Variants in CFAP221 observed in about 807,000 individuals in gnomAD.
CFAP221 encodes cilia and flagella associated protein 221, also known as cilia- and flagella-associated protein 221.
Under a neutral mutation model 113.1 loss-of-function variants are expected in CFAP221, and 97 were observed. That is an observed-to-expected ratio of 0.86 (90% CI 0.73 to 1.02). The LOEUF (loss-of-function observed/expected upper bound fraction) is 1.02. CFAP221 is among the 50% of genes least tolerant of loss of function. The pLI is 0.00. For synonymous variants in CFAP221, 331 were observed against 354.4 expected, an observed-to-expected ratio of 0.93 and a Z score of 0.74; for missense variants, 1,025 against 1,013.4, an observed-to-expected ratio of 1.01 and a Z score of -0.16.
chr2:119,562,221 C>T, intron 6 of CFAP221, 107 bp downstream of exon 6: 3 of 510,206 alleles, frequency 5.9e-6, no homozygotes, highest in Non-Finnish European at 9.1e-6. Flanking sequence ...ATCCTTCCAC[C>T]TGAAATAGAC....
intron 22 of CFAP221, among the ~76,000 whole-genome samples, chr2:119,650,762 A>G (rs963856021): frequency 3.9e-5 from 6 of 152,248 alleles, no homozygotes; most frequent in Non-Finnish European, 8.8e-5. Context: ...CAGCATAGTG[A>G]TTTGCATATA....
chr2:119,577,807 G>A (rs114120233), intron 6 of CFAP221, among the ~76,000 whole-genome samples: 4,217 of 152,304 alleles, frequency 0.028, 71 homozygotes, highest in Non-Finnish European at 0.041. Context: ...ATAATCATTC[G>A]CTGAAGGAGA....
intron 21 of CFAP221, among the ~76,000 whole-genome samples, chr2:119,645,717 C>T (rs1462132045): frequency 1.3e-5 from 2 of 152,130 alleles, no homozygotes; most frequent in Non-Finnish European, 2.9e-5. Context: ...TCCCTGCTTT[C>T]CATTGCTGCC....
intron 11 of CFAP221, among the ~76,000 whole-genome samples, chr2:119,606,492 A>G (rs751626897): frequency 3.4e-4 from 51 of 152,200 alleles, no homozygotes; most frequent in Admixed American, 5.2e-4. Flanking sequence ...CTTCTGTCTC[A>G]GCTTAAGTCT....
intron 6 of CFAP221, chr2:119,572,497 A>G (rs770575734): frequency 2.2e-5 from 15 of 674,628 alleles, no homozygotes; most frequent in Non-Finnish European, 3.3e-5. Flanking sequence ...TTCCATTCCC[A>G]TGGTTCTAAA....
chr2:119,595,398 C>T (rs1683889844), intron 7 of CFAP221, among the ~76,000 whole-genome samples: 1 of 152,150 alleles, frequency 6.6e-6, no homozygotes, highest in Non-Finnish European at 1.5e-5. Context: ...TAGCCACTTC[C>T]CTATTTAATA....
At chr2:119,551,659 G>A (rs902349671) in intron 3 of CFAP221, among the ~76,000 whole-genome samples, 4 of 152,294 alleles carry the variant, frequency 2.6e-5, no homozygotes, top group African/African-American at 9.6e-5. Flanking sequence ...ACTGTAGCTT[G>A]TGGTAAATTT....
intron 11 of CFAP221, among the ~76,000 whole-genome samples, chr2:119,606,699 C>T (rs1040023907): frequency 2.0e-5 from 3 of 152,198 alleles, no homozygotes; most frequent in African/African-American, 7.2e-5. Flanking sequence ...TGACCACTGT[C>T]AGTGCTGGTG....
Position 119,646,970 on chromosome 2 carries a change from C to A in CFAP221, c.2238C>A (p.Phe746Leu), listed in dbSNP as rs200544559. 1 of 1,613,594 alleles carries A rather than the reference C, an allele frequency of 6.2e-7. No individual in the cohort carries two copies. The highest frequency in any genetic ancestry group is 1.3e-5 in the African/African-American group (1 of 74,998). Reference sequence around the variant, plus strand: ...GGTTTTTCCACAGCTGCGATTCCTTCAATTCATTTATGCTTCCGATAGACG... The same window carrying A: ...GGTTTTTCCACAGCTGCGATTCCTTAAATTCATTTATGCTTCCGATAGACG... ...KMETTKSCDS[F>L]NSFMLPIDVP... The change falls in exon 22 of 24, where the codon TTC becomes TTA. Residue 746 changes from phenylalanine to leucine, a missense_variant. Coordinates refer to ENST00000413369, the MANE Select transcript of CFAP221 (RefSeq NM_001271049.2).
At chr2:119,597,018 C>T (rs569270840) in intron 7 of CFAP221, among the ~76,000 whole-genome samples, 6 of 152,124 alleles carry the variant, frequency 3.9e-5, no homozygotes, top group South Asian at 2.1e-4. Flanking sequence ...AGAACTCAAG[C>T]GGGTCAAGTG....
intron 6 of CFAP221, among the ~76,000 whole-genome samples, chr2:119,565,632 G>A (rs1681566062): frequency 1.3e-5 from 2 of 152,114 alleles, no homozygotes; most frequent in South Asian, 4.1e-4. Context: ...ATTTAACTGT[G>A]TTATTGTATA....
At position 119,608,508 on chromosome 2, in the gene CFAP221, G is replaced by A. The variant is rs1249111100; in HGVS notation, c.1140G>A (p.Val380=). ...TTTTTTTTTTTCTCCCCAGGCAGGT[G>A]CACCTTGGTAAAGATCCTATGTCTT... is the stretch of plus-strand genomic sequence containing the variant. ...EEMENHLKWQ[V]HLGKDPMSFK... is the part of the protein sequence containing the mutation. Residue 380 remains valine (V), a synonymous_variant, in exon 12 of 24, where the codon GTG becomes GTA. Coordinates refer to ENST00000413369, the MANE Select transcript of CFAP221 (RefSeq NM_001271049.2). The A allele has an allele frequency of 4.4e-6, 7 of 1,600,558 alleles. No homozygotes were observed. The Admixed American group carries it at 8.7e-5, about 20-fold the overall frequency.
chr2:119,646,971 A>G lies in CFAP221; in HGVS notation c.2239A>G (p.Asn747Asp), dbSNP rs762822991. 4.3e-6 allele frequency: 7 copies of G among 1,613,560 alleles called. No homozygotes were observed. Among genetic ancestry groups the G allele is most frequent in the Non-Finnish European group, 5.9e-6 (7 of 1,179,752 alleles). The change falls in exon 22 of 24, where the codon AAT becomes GAT. Residue 747 changes from asparagine to aspartate, a missense_variant. Transcript: ENST00000413369. Reference protein sequence around the residue: ...METTKSCDSFNSFMLPIDVPA... With the variant: ...METTKSCDSFDSFMLPIDVPA... ...GTTTTTCCACAGCTGCGATTCCTTC[A>G]ATTCATTTATGCTTCCGATAGACGT...
chr2:119,593,108 G>C (rs189983313), intron 7 of CFAP221, among the ~76,000 whole-genome samples: 30 of 152,194 alleles, frequency 2.0e-4, no homozygotes, highest in Admixed American at 3.3e-4. Flanking sequence ...TGTGTATGTT[G>C]GTTCTCCTTT....
At chr2:119,569,917 T>A (rs547457887) in intron 6 of CFAP221, among the ~76,000 whole-genome samples, 1 of 152,266 alleles carries the variant, frequency 6.6e-6, no homozygotes. Flanking sequence ...TACTTATCCA[T>A]AGAGCCCTTA....
In CFAP221 at chr2:119,638,420, A is replaced by G. The variant is rs1687249840; in HGVS notation, c.2133+3A>G. The G allele has an allele frequency of 2.5e-6, 4 of 1,613,982 alleles. No individual in the cohort carries two copies. Among genetic ancestry groups the G allele is most frequent in the Admixed American group, 1.7e-5 (1 of 59,994 alleles). On this transcript the variant is annotated splice_donor_region_variant and intron_variant, in intron 20 of 23. Transcript: ENST00000413369. ...AAAAGCAGTTTCTCCATCACACGGT[A>G]ATGTCATCACCAGGCTCACTGGCAG... is the stretch of plus-strand genomic sequence containing the variant.
chr2:119,648,173 C>A (rs914629446), intron 22 of CFAP221, among the ~76,000 whole-genome samples: 7 of 152,168 alleles, frequency 4.6e-5, no homozygotes, highest in African/African-American at 1.2e-4. Context: ...CATTAATGAC[C>A]CTGGTATTCC....
At chr2:119,610,625 C>A (rs1013958391) in intron 12 of CFAP221, among the ~76,000 whole-genome samples, 1 of 152,132 alleles carries the variant, frequency 6.6e-6, no homozygotes, top group African/African-American at 2.4e-5. Context: ...TTAATGTGTT[C>A]AGTCTCAAAC....
chr2:119,636,004 A>G (rs1387601851), intron 19 of CFAP221, among the ~76,000 whole-genome samples: 3 of 152,216 alleles, frequency 2.0e-5, no homozygotes, highest in Non-Finnish European at 4.4e-5. Flanking sequence ...AGGAAACCAA[A>G]CTAAAATTTG....
Sources: gnomAD v4.1 joint callset for allele counts (sites outside exome capture counted in the v4.1 genomes callset) on GRCh38, gnomAD v4.1.1 for gene constraint, MANE v1.5 for transcripts, NCBI Gene and HGNC (gene_info 2026-07-23, HGNC 2026-07-21) for gene names.